The following RYR3 variants were observed in gnomAD, a reference collection of about 807,000 sequenced individuals.
The protein encoded by RYR3 is ryanodine receptor 3.
Under a neutral mutation model 584.3 loss-of-function variants are expected in RYR3, and 207 were observed. The ratio of observed to expected loss-of-function variants is 0.35; its 90% confidence interval spans 0.32 to 0.40. The LOEUF (loss-of-function observed/expected upper bound fraction) is 0.40, where lower values mean the gene tolerates loss of function less well. Ranked by LOEUF, RYR3 falls within the 10% of genes least tolerant of loss-of-function variation. The probability of loss-of-function intolerance (pLI) is 1.00; values close to 1 mark genes in which losing one functional copy is unlikely to be tolerated. For missense variants in RYR3, 5,616 were observed against 6,089.2 expected, an observed-to-expected ratio of 0.92 and a Z score of 2.59; for synonymous variants, 2,416 against 2,248.5, an observed-to-expected ratio of 1.07 and a Z score of -2.11.
chr15:33,747,074 G>A (rs575386738), intron 53 of RYR3, among the ~76,000 whole-genome samples: 1 of 152,124 alleles, frequency 6.6e-6, no homozygotes, highest in East Asian at 1.9e-4. Flanking sequence ...GCCTCCCAAA[G>A]CACTGGAATT....
intron 95 of RYR3, 110 bp downstream of exon 95, chr15:33,853,197 A>G (rs960473047): frequency 3.0e-5 from 31 of 1,041,954 alleles, no homozygotes; most frequent in South Asian, 2.1e-4. Flanking sequence ...TTTTATGATA[A>G]TATCTCAAGA....
chr15:33,364,236 C>A lies in RYR3; in HGVS notation c.51+53140C>A, dbSNP rs150746694. On this transcript the variant is annotated intron_variant, in intron 1 of 103. Coordinates refer to ENST00000634891, the MANE Select transcript of RYR3 (RefSeq NM_001036.6). Reference sequence around the variant, plus strand: ...GAAAATTTATATTACATAGGTGCCTCATTGTATTTCTGTTGGACCAGGCTG... The same window carrying A: ...GAAAATTTATATTACATAGGTGCCTAATTGTATTTCTGTTGGACCAGGCTG... Among the ~76,000 whole-genome samples, 6 of 152,046 alleles carry A rather than the reference C, an allele frequency of 3.9e-5. No individual in the cohort carries two copies. In the East Asian group the frequency reaches 9.7e-4, roughly 24 times the overall value.
At chr15:33,816,344 C>A (rs1483454306) in intron 74 of RYR3, among the ~76,000 whole-genome samples, 1 of 152,184 alleles carries the variant, frequency 6.6e-6, no homozygotes, top group Non-Finnish European at 1.5e-5. Context: ...CGTGCTTAAA[C>A]CTTGTCGTGC....
At chr15:33,712,410 T>G (rs979850034) in intron 43 of RYR3, among the ~76,000 whole-genome samples, 1 of 152,116 alleles carries the variant, frequency 6.6e-6, no homozygotes, top group African/African-American at 2.4e-5. Context: ...CTTAAAGATT[T>G]TTGAGGGTAG....
intron 1 of RYR3, among the ~76,000 whole-genome samples, chr15:33,358,589 CT>C (rs1247898508): frequency 6.6e-6 from 1 of 151,376 alleles, no homozygotes; most frequent in East Asian, 2.0e-4. Flanking sequence ...TCCTTAATCC[CT>C]GCCCCACAAA....
Position 33,311,536 on chromosome 15 carries a change from G to GTC in RYR3, c.51+440_51+441insTC, listed in dbSNP as rs1967283722. The stretch of plus-strand genomic sequence containing the variant: ...CTCTTCCAGGGCGCCCCCACGCACA[G>GTC]GGGAACCTCCGGGAAGGAGCCAGCG... On this transcript the variant is annotated intron_variant, in intron 1 of 103. Transcript: ENST00000634891. The surrounding 1 kb of genome is among the most constrained non-coding windows in gnomAD (Gnocchi z 4.4). 2.0e-5 allele frequency among the ~76,000 whole-genome samples: 3 copies of GTC among 152,188 alleles called. No individual in the cohort carries two copies. The highest frequency in any genetic ancestry group is 4.4e-5 in the Non-Finnish European group (3 of 68,020).
chr15:33,782,217 A>G (rs915980202), intron 65 of RYR3, among the ~76,000 whole-genome samples: 12 of 152,212 alleles, frequency 7.9e-5, no homozygotes, highest in Non-Finnish European at 1.5e-5. Flanking sequence ...TGAGGATGTG[A>G]CAAAGATAGA....
intron 1 of RYR3, among the ~76,000 whole-genome samples, chr15:33,368,157 A>C (rs1975764019): frequency 6.6e-6 from 1 of 152,124 alleles, no homozygotes; most frequent in Non-Finnish European, 1.5e-5. Flanking sequence ...TCAATTCACA[A>C]AGGTAAATCA....
chr15:33,815,950 A>G, intron 74 of RYR3: 1 of 398,554 alleles, frequency 2.5e-6, no homozygotes, highest in South Asian at 1.3e-4. Context: ...TAACCTGTGG[A>G]GAGACCTGCT....
intron 57 of RYR3, among the ~76,000 whole-genome samples, chr15:33,753,315 G>T (rs1052606352): frequency 6.6e-6 from 1 of 152,226 alleles, no homozygotes; most frequent in African/African-American, 2.4e-5. Flanking sequence ...AAAGGGAATT[G>T]ATTATTATGA....
chr15:33,540,800 G>A lies in RYR3; in HGVS notation c.556G>A (p.Val186Ile), dbSNP rs761547558. 12 of 1,604,710 alleles carry A rather than the reference G, an allele frequency of 7.5e-6. No homozygotes were observed. The Admixed American group carries it at 1.2e-4, about 16-fold the overall frequency. Residue 186 changes from valine (V) to isoleucine (I), a missense_variant, in exon 7 of 104, where the codon GTA becomes ATA. Transcript: ENST00000634891. ...VSSERYLHLSVSNGNIQVDAS... is the reference protein window; with the variant it reads ...VSSERYLHLSISNGNIQVDAS... ...TCTGTTTCTGCTGCAGCATCTCTCAGTATCAAATGGTAACATACAAGTGGA... is the reference window on the plus strand; with the variant it reads ...TCTGTTTCTGCTGCAGCATCTCTCAATATCAAATGGTAACATACAAGTGGA...
intron 1 of RYR3, among the ~76,000 whole-genome samples, chr15:33,369,125 C>T (rs1412435890): frequency 6.6e-6 from 1 of 151,618 alleles, no homozygotes; most frequent in African/African-American, 2.4e-5. Flanking sequence ...TCTGTAATCC[C>T]CAGTTTGCAG....
chr15:33,367,199 G>C (rs1975627212), intron 1 of RYR3, among the ~76,000 whole-genome samples: 1 of 152,162 alleles, frequency 6.6e-6, no homozygotes, highest in Non-Finnish European at 1.5e-5. Context: ...TTTATTACCA[G>C]ATGTTAAATT....
intron 3 of RYR3, among the ~76,000 whole-genome samples, chr15:33,520,908 G>C (rs934501995): frequency 6.6e-6 from 1 of 152,168 alleles, no homozygotes; most frequent in Non-Finnish European, 1.5e-5. Flanking sequence ...GGACTAGTGG[G>C]AAACTCAGTC....
At chr15:33,433,919 T>G (rs1344114304) in intron 1 of RYR3, among the ~76,000 whole-genome samples, 1 of 152,238 alleles carries the variant, frequency 6.6e-6, no homozygotes, top group Non-Finnish European at 1.5e-5. Flanking sequence ...CACAACTTTA[T>G]CCACCTAATC....
intron 31 of RYR3, 76 bp downstream of exon 31, chr15:33,649,311 A>G: frequency 7.2e-7 from 1 of 1,387,604 alleles, no homozygotes; most frequent in East Asian, 2.3e-5. Context: ...CTTCCACCCC[A>G]CACCCAAAGA....
chr15:33,558,311 T>C (rs2057208064), intron 10 of RYR3, among the ~76,000 whole-genome samples: 2 of 151,308 alleles, frequency 1.3e-5, no homozygotes, highest in Admixed American at 6.6e-5. Context: ...GTGTTCTCAT[T>C]GTTCAATTCC....
intron 1 of RYR3, among the ~76,000 whole-genome samples, chr15:33,427,147 G>C (rs1156763882): frequency 6.6e-6 from 1 of 152,204 alleles, no homozygotes; most frequent in East Asian, 1.9e-4. Context: ...GATCCAGGAG[G>C]ATATGCAGAA....
intron 2 of RYR3, among the ~76,000 whole-genome samples, chr15:33,482,329 T>C (rs1375481939): frequency 6.6e-6 from 1 of 152,222 alleles, no homozygotes; most frequent in Non-Finnish European, 1.5e-5. Context: ...TCATCATTCT[T>C]CTATATGTAA....
Sources: allele counts gnomAD v4.1 joint callset (sites outside exome capture counted in the v4.1 genomes callset), GRCh38; gene constraint gnomAD v4.1.1; non-coding constraint Gnocchi (gnomAD v3.1); transcripts MANE v1.5; gene names NCBI Gene and HGNC (gene_info 2026-07-23, HGNC 2026-07-21).